ZBBX: variants seen among roughly 807,000 people sequenced by gnomAD.
The protein encoded by ZBBX is zinc finger B-box domain-containing protein 1.
A neutral mutation model predicts 108.5 loss-of-function variants in ZBBX; 101 were observed. The observed-to-expected ratio is 0.93, with a 90% CI of 0.79 to 1.10. ZBBX has a LOEUF of 1.10. Ranked by LOEUF, ZBBX falls within the 50% of genes least tolerant of loss-of-function variation. The pLI is 0.00. For synonymous variants in ZBBX, 356 were observed against 323.4 expected, an observed-to-expected ratio of 1.10 and a Z score of -1.08; for missense variants, 1,009 against 941.4, an observed-to-expected ratio of 1.07 and a Z score of -0.94.
chr3:167,333,736 G>C (rs973616731), intron 10 of ZBBX, 91 bp downstream of exon 10: 58 of 1,126,188 alleles, frequency 5.2e-5, no homozygotes, highest in Non-Finnish European at 6.5e-5. Flanking sequence ...GAAATTATTG[G>C]TGAAATTCTA....
chr3:167,200,471 C>T, the ZBBX span, among the ~76,000 whole-genome samples: 1 of 152,106 alleles, frequency 6.6e-6, no homozygotes, highest in Admixed American at 6.6e-5. Context: ...GAAACTGGAG[C>T]CTGAAATTAA....
rs1199255705 is a variant in ZBBX at position 167,242,622 on chromosome 3, C to G, written c.2276G>C (p.Ser759Thr). The part of the protein sequence containing the change: ...SLADTSEKLY[S>T]LTSEEFPDFS... ...ATCTGGGAACTCTTCTGAGGTTAAG[C>G]TGTAAAGCTTTTCTGAAGTATCTGA... Residue 759 changes from serine (S) to threonine (T), a missense_variant, in exon 21 of 22, where the codon AGC becomes ACC. Transcript: ENST00000675490. The G allele has an allele frequency of 2.5e-6, 4 of 1,610,166 alleles. No homozygotes were observed. The highest frequency in any genetic ancestry group is 2.2e-5 in the South Asian group (2 of 90,122).
At chr3:167,280,854 C>A (rs1238548048) in intron 20 of ZBBX, among the ~76,000 whole-genome samples, 2 of 152,096 alleles carry the variant, frequency 1.3e-5, no homozygotes, top group Non-Finnish European at 2.9e-5. Context: ...GGAACCAACC[C>A]AAATGTCCAA....
chr3:167,353,088 C>T (rs569482026), intron 8 of ZBBX, among the ~76,000 whole-genome samples: 4 of 152,238 alleles, frequency 2.6e-5, no homozygotes, highest in African/African-American at 9.6e-5. Context: ...ACTTTTACCA[C>T]TTCTATTCAA....
intron 1 of ZBBX, among the ~76,000 whole-genome samples, chr3:167,403,412 C>G (rs1022192024): frequency 1.3e-5 from 2 of 152,022 alleles, no homozygotes; most frequent in African/African-American, 4.8e-5. Context: ...GCCATCATAT[C>G]TGCACTATAA....
At chr3:167,335,075 C>G (rs1228024907) in intron 9 of ZBBX, among the ~76,000 whole-genome samples, 1 of 152,132 alleles carries the variant, frequency 6.6e-6, no homozygotes, top group Non-Finnish European at 1.5e-5. Context: ...CCCAACTGTA[C>G]ACGGTATTTA....
chr3:167,260,974 G>A (rs1183521029), intron 20 of ZBBX, among the ~76,000 whole-genome samples: 3 of 152,312 alleles, frequency 2.0e-5, no homozygotes, highest in African/African-American at 7.2e-5. Flanking sequence ...CAGAGGGAAG[G>A]TCTAGGGCTA....
At chr3:167,210,322 G>C in the ZBBX span, among the ~76,000 whole-genome samples, 1 of 151,902 alleles carries the variant, frequency 6.6e-6, no homozygotes, top group Admixed American at 6.6e-5. Flanking sequence ...AAAAAATAGT[G>C]AACTTGAAAA....
chr3:167,319,375 GAAGA>G (rs1225691097), intron 12 of ZBBX, among the ~76,000 whole-genome samples: 1 of 152,038 alleles, frequency 6.6e-6, no homozygotes, highest in African/African-American at 2.4e-5. Flanking sequence ...AAAGGGAAGA[GAAGA>G]AAGAGGAAGC....
At chr3:167,278,012 C>T (rs1385243774) in intron 20 of ZBBX, among the ~76,000 whole-genome samples, 4 of 144,834 alleles carry the variant, frequency 2.8e-5, no homozygotes, top group African/African-American at 5.2e-5. Flanking sequence ...GGGTACATAA[C>T]GAAATGAAGG....
chr3:167,231,690 T>A, the ZBBX span, among the ~76,000 whole-genome samples: 1 of 151,806 alleles, frequency 6.6e-6, no homozygotes, highest in Non-Finnish European at 1.5e-5. Context: ...CAGTATGCTG[T>A]CCCTTTACTA....
At chr3:167,252,249 A>G (rs1722753847) in intron 20 of ZBBX, 1 of 1,163,772 alleles carries the variant, frequency 8.6e-7, no homozygotes, top group Non-Finnish European at 1.1e-6. Context: ...AGGTTGCTGT[A>G]CACAATAATG....
chr3:167,262,861 T>G (rs1224693586), intron 20 of ZBBX, among the ~76,000 whole-genome samples: 1 of 152,168 alleles, frequency 6.6e-6, no homozygotes, highest in African/African-American at 2.4e-5. Flanking sequence ...TCATTTTTCC[T>G]TAATCTGGTT....
chr3:167,179,404 T>G, the ZBBX span, among the ~76,000 whole-genome samples: 1 of 152,238 alleles, frequency 6.6e-6, no homozygotes, highest in African/African-American at 2.4e-5. Context: ...CATTAGATAT[T>G]GCAGTAGCAA....
the ZBBX span, among the ~76,000 whole-genome samples, chr3:167,224,532 T>G: frequency 6.6e-6 from 1 of 151,926 alleles, no homozygotes; most frequent in East Asian, 1.9e-4. Context: ...TTAGTCCATC[T>G]ACAAGGTATA....
At chr3:167,373,590 A>G (rs1213217685) in intron 3 of ZBBX, 116 bp downstream of exon 3, 2 of 152,244 alleles carry the variant, frequency 1.3e-5, no homozygotes, top group East Asian at 3.8e-4. Context: ...TGATAACATA[A>G]TCAATGAATA....
At chr3:167,349,863 G>A (rs1226375132) in intron 9 of ZBBX, among the ~76,000 whole-genome samples, 1 of 151,974 alleles carries the variant, frequency 6.6e-6, no homozygotes. Context: ...TCTATTTATA[G>A]TTTAAGTATT....
chr3:167,257,286 G>A (rs1198198237), intron 20 of ZBBX, among the ~76,000 whole-genome samples: 1 of 152,078 alleles, frequency 6.6e-6, no homozygotes, highest in Non-Finnish European at 1.5e-5. Context: ...TACTGAATAT[G>A]TTTATCAGTT....
chr3:167,314,157 A>G (rs752462296), intron 15 of ZBBX, 41 bp from the exon 16 acceptor site: 144 of 1,514,586 alleles, frequency 9.5e-5, no homozygotes, highest in Non-Finnish European at 1.2e-4. Context: ...GAGTTGAAAA[A>G]ATGATTTTAA....
Sources: allele counts gnomAD v4.1 joint callset (sites outside exome capture counted in the v4.1 genomes callset), GRCh38; gene constraint gnomAD v4.1.1; transcripts MANE v1.5; gene names NCBI Gene and HGNC (gene_info 2026-07-23, HGNC 2026-07-21).